Variants in GLP2R observed in about 807,000 individuals in gnomAD.
GLP2R encodes the protein glucagon-like peptide 2 receptor.
A neutral mutation model predicts 68.2 loss-of-function variants in GLP2R; 59 were observed. That is an observed-to-expected ratio of 0.87 (90% CI 0.70 to 1.07). The LOEUF (loss-of-function observed/expected upper bound fraction) is 1.07, where lower values mean the gene tolerates loss of function less well. Among genes scored for constraint, GLP2R ranks in the 50% least tolerant of loss-of-function variants. The pLI is 0.00. For synonymous variants in GLP2R, 270 were observed against 265.4 expected (o/e 1.02, Z -0.17); for missense variants, 548 against 677.4 (o/e 0.81, Z 2.12).
chr17:9,870,501 A>G (rs748580721), intron 9 of GLP2R, among the ~76,000 whole-genome samples: 3 of 152,208 alleles, frequency 2.0e-5, no homozygotes, highest in Non-Finnish European at 4.4e-5. Flanking sequence ...TTCCTTCCAG[A>G]CTTTCAGTTC....
At chr17:9,845,963 G>A (rs145503305) in intron 4 of GLP2R, among the ~76,000 whole-genome samples, 5 of 151,908 alleles carry the variant, frequency 3.3e-5, no homozygotes, top group Middle Eastern at 3.4e-3. Context: ...TTTAAGCTGC[G>A]CTATTACATT....
chr17:9,844,169 G>T (rs903544833), intron 4 of GLP2R, among the ~76,000 whole-genome samples: 1 of 152,214 alleles, frequency 6.6e-6, no homozygotes, highest in African/African-American at 2.4e-5. Flanking sequence ...GTGAGGTAGG[G>T]CCTGAGGAGG....
intron 9 of GLP2R, among the ~76,000 whole-genome samples, chr17:9,864,915 G>A (rs903966442): frequency 3.9e-5 from 6 of 152,248 alleles, no homozygotes; most frequent in Admixed American, 6.5e-5. Context: ...TGGCTGACCC[G>A]CATTCTAGTT....
intron 11 of GLP2R, 48 bp from the exon 12 acceptor site, chr17:9,887,884 C>T (rs781221079): frequency 6.2e-5 from 89 of 1,439,540 alleles, no homozygotes; most frequent in South Asian, 1.8e-4. Context: ...CTCTCAGACA[C>T]ATCTTCTCCG....
Position 9,854,536 on chromosome 17 carries a change from C to T in GLP2R, c.546C>T (p.Tyr182=), listed in dbSNP as rs747026262. The stretch of plus-strand genomic sequence containing the variant: ...TGCTGTCAACCTTGCAGCTGATGTA[C>T]ACCGTGGGATACTCCTTCTCTCTTA... ...YALLSTLQLM[Y]TVGYSFSLIS... Residue 182 remains tyrosine (Y), a synonymous_variant, in exon 5 of 13, where the codon TAC becomes TAT. Transcript: ENST00000262441. 6.2e-7 allele frequency: 1 copy of T among 1,612,616 alleles called. No individual in the cohort carries two copies. Among genetic ancestry groups the T allele is most frequent in the South Asian group, 1.1e-5 (1 of 91,040 alleles).
intron 5 of GLP2R, among the ~76,000 whole-genome samples, chr17:9,857,066 C>A (rs1005125478): frequency 6.6e-6 from 1 of 152,028 alleles, no homozygotes. Context: ...GGATTACAGG[C>A]ACGCGCCACC....
intron 10 of GLP2R, among the ~76,000 whole-genome samples, chr17:9,874,353 G>A (rs1054548454): frequency 1.3e-5 from 2 of 152,116 alleles, no homozygotes; most frequent in African/African-American, 4.8e-5. Flanking sequence ...CTTGTTCAAA[G>A]AAAAAGCTTA....
At chr17:9,852,722 AT>A in intron 4 of GLP2R, 1 of 242,816 alleles carries the variant, frequency 4.1e-6, no homozygotes, top group Non-Finnish European at 8.1e-6. Flanking sequence ...ATTTTTGTGC[AT>A]TTTTGCCTGG....
At position 9,862,031 on chromosome 17, in the gene GLP2R, A is replaced by G; in HGVS notation, c.997A>G (p.Thr333Ala). Residue 333 changes from threonine (T) to alanine (A), a missense_variant, in exon 9 of 13, where the codon ACA (threonine) becomes GCA (alanine). Physicochemically the swap from Thr to Ala is moderately conservative, Grantham distance 58. Transcript: ENST00000262441. Reference protein sequence around the residue: ...AHLENTGCWTTNGNKKIWWII... With the variant: ...AHLENTGCWTANGNKKIWWII... ...TACTGTTGACCTTAGGTGCTGGACAACAAATGGGAATAAGAAAATCTGGTG... is the reference window on the plus strand; with the variant it reads ...TACTGTTGACCTTAGGTGCTGGACAGCAAATGGGAATAAGAAAATCTGGTG... The G allele has an allele frequency of 6.2e-7, 1 of 1,613,210 alleles. No homozygotes were observed. Among genetic ancestry groups the G allele is most frequent in the Non-Finnish European group, 8.5e-7 (1 of 1,179,140 alleles).
intron 11 of GLP2R, among the ~76,000 whole-genome samples, chr17:9,883,730 T>C (rs189368832): frequency 3.2e-4 from 49 of 152,262 alleles, no homozygotes; most frequent in Admixed American, 4.6e-4. Flanking sequence ...AAGAAAACAA[T>C]TGTCAATCAA....
At chr17:9,849,138 T>C (rs1214681089) in intron 4 of GLP2R, among the ~76,000 whole-genome samples, 1 of 151,774 alleles carries the variant, frequency 6.6e-6, no homozygotes, top group Non-Finnish European at 1.5e-5. Context: ...ATTGATTATA[T>C]ATGATTTTTC....
chr17:9,867,068 A>T (rs967566360), intron 9 of GLP2R: 21 of 152,226 alleles, frequency 1.4e-4, no homozygotes, highest in African/African-American at 5.1e-4. Flanking sequence ...AATAATCAAG[A>T]CTGAGCTAGT....
intron 10 of GLP2R, among the ~76,000 whole-genome samples, chr17:9,877,508 C>T (rs1356548942): frequency 6.6e-6 from 1 of 152,174 alleles, no homozygotes; most frequent in Admixed American, 6.5e-5. Context: ...GGGAAATCCA[C>T]ATAAACCCCG....
chr17:9,848,867 T>TTTTGTGTGTG, intron 4 of GLP2R, among the ~76,000 whole-genome samples: 1 of 139,424 alleles, frequency 7.2e-6, no homozygotes, highest in East Asian at 2.1e-4. Flanking sequence ...TTAAAGGAGA[T>TTTTGTGTGTG]TGTGTGTGTG....
chr17:9,879,641 T>G (rs1166527145), intron 10 of GLP2R, among the ~76,000 whole-genome samples: 1 of 152,242 alleles, frequency 6.6e-6, no homozygotes, highest in African/African-American at 2.4e-5. Flanking sequence ...ACCACCAGTA[T>G]GCAACATTTG....
intron 11 of GLP2R, among the ~76,000 whole-genome samples, chr17:9,885,188 C>A (rs199577463): frequency 9.0e-6 from 1 of 111,642 alleles, no homozygotes; most frequent in East Asian, 2.4e-4. Flanking sequence ...ATTATTATTA[C>A]CATTATCATT....
intron 2 of GLP2R, among the ~76,000 whole-genome samples, chr17:9,835,025 C>CTTT (rs35950679): frequency 6.3e-4 from 52 of 83,184 alleles, no homozygotes; most frequent in African/African-American, 1.8e-3. Context: ...GAAACCTGGC[C>CTTT]TTTTTTTTTT....
In GLP2R at chr17:9,877,545, G is replaced by C. The variant is rs139888774; in HGVS notation, c.1146-2833G>C. Among the ~76,000 whole-genome samples the C allele has an allele frequency of 1.9e-3, 282 of 152,274 alleles. 7 individuals carry two copies. The East Asian group carries it at 0.051, about 27-fold the overall frequency. On this transcript the variant is annotated intron_variant, in intron 10 of 12. Transcript: ENST00000262441. ...ACTTTAGTTCCTAGTAATATACCGT[G>C]TTGGTTTCTTAGTTTTGACAAACGG...
chr17:9,846,379 G>A (rs2066838951), intron 4 of GLP2R, among the ~76,000 whole-genome samples: 1 of 152,206 alleles, frequency 6.6e-6, no homozygotes, highest in Non-Finnish European at 1.5e-5. Flanking sequence ...GCTTTGGGAA[G>A]CTGAAGTGGG....
Sources: gnomAD v4.1 joint callset for allele counts (sites outside exome capture counted in the v4.1 genomes callset) on GRCh38, gnomAD v4.1.1 for gene constraint, MANE v1.5 for transcripts, NCBI Gene and HGNC (gene_info 2026-07-23, HGNC 2026-07-21) for gene names.